The following RHCE variants were observed in gnomAD, a reference collection of about 807,000 sequenced individuals.
RHCE encodes the protein Rh blood group CcEe antigens.
RHCE carries 22 observed loss-of-function variants against 43.8 expected under a neutral mutation model. The ratio of observed to expected loss-of-function variants is 0.50; its 90% CI spans 0.36 to 0.72. RHCE has a LOEUF of 0.72. Ranked by LOEUF, RHCE falls within the 30% of genes least tolerant of loss-of-function variation. The pLI, the probability that RHCE is intolerant of heterozygous loss-of-function variation, is 0.00. For synonymous variants in RHCE, 156 were observed against 210.7 expected (o/e 0.74, Z 2.25); for missense variants, 385 against 525.4 (o/e 0.73, Z 2.61).
At chr1:25,380,146 A>C (rs1645948719) in intron 7 of RHCE, among the ~76,000 whole-genome samples, 1 of 143,678 alleles carries the variant, frequency 7.0e-6, no homozygotes, top group African/African-American at 2.6e-5. Flanking sequence ...AAAATACAAC[A>C]GTGGAACAGG....
At chr1:25,422,677 G>A (rs1245805094), upstream of RHCE, among the ~76,000 whole-genome samples, 1 of 152,158 alleles carries the variant, frequency 6.6e-6, no homozygotes, top group Non-Finnish European at 1.5e-5. Flanking sequence ...CCTAACTTCA[G>A]GACCTGGGTG....
chr1:25,418,765 G>T (rs1414272574), intron 1 of RHCE, among the ~76,000 whole-genome samples: 2 of 152,192 alleles, frequency 1.3e-5, no homozygotes, highest in African/African-American at 4.8e-5. Context: ...GGCTGGGCAG[G>T]CACCTCCCTC....
At chr1:25,385,530 A>G in intron 7 of RHCE, 181 bp downstream of exon 7, 1 of 932,658 alleles carries the variant, frequency 1.1e-6, no homozygotes, top group Non-Finnish European at 1.7e-6. Context: ...TGGAGAGGTG[A>G]TAAATCCATC....
At position 25,388,960 on chromosome 1, in the gene RHCE, T is replaced by C; in HGVS notation, c.939+16A>G. 1 of 1,614,192 alleles carries C rather than the reference T, an allele frequency of 6.2e-7. No individual in the cohort carries two copies. The highest frequency in any genetic ancestry group is 1.3e-5 in the African/African-American group (1 of 75,052). ...CTTCAGCCAAAGCAGAGAGCATTAG[T>C]TGTCTAGTTTCTTACCGGCAGGCAC... On this transcript the variant is annotated intron_variant, in intron 6 of 9. Transcript: ENST00000294413.
At position 25,377,584 on chromosome 1, in the gene RHCE, C is replaced by G. The variant is rs1645828287; in HGVS notation, c.1074-2156G>C. 4.0e-5 allele frequency among the ~76,000 whole-genome samples: 6 copies of G among 150,664 alleles called. No homozygotes were observed. In the South Asian group the frequency reaches 1.3e-3, roughly 33 times the overall value. ...TATTAAAATTAAGAACCTCCTTGTT[C>G]AAAAGACACCATTAAGAAAGTAAAA... On this transcript the variant is annotated intron_variant, in intron 7 of 9. Coordinates refer to ENST00000294413, the MANE Select transcript of RHCE (RefSeq NM_020485.8).
At chr1:25,371,522 T>C (rs1418391607) in intron 8 of RHCE, among the ~76,000 whole-genome samples, 1 of 151,388 alleles carries the variant, frequency 6.6e-6, no homozygotes, top group African/African-American at 2.4e-5. Flanking sequence ...AAGTGTGTGC[T>C]ACCATACCCA....
At chr1:25,393,235 A>G (rs1045688486) in intron 3 of RHCE, among the ~76,000 whole-genome samples, 28 of 152,074 alleles carry the variant, frequency 1.8e-4, no homozygotes, top group African/African-American at 6.5e-4. Flanking sequence ...GCTACCCCAA[A>G]TTGTTACAGT....
intron 5 of RHCE, among the ~76,000 whole-genome samples, chr1:25,389,529 T>C (rs1205650706): frequency 2.6e-5 from 4 of 152,164 alleles, no homozygotes; most frequent in Admixed American, 6.5e-5. Context: ...TTGCCTCAGC[T>C]TTCCAAAATA....
intron 8 of RHCE, 147 bp from the exon 9 acceptor site, chr1:25,370,687 C>A: frequency 1.5e-6 from 1 of 667,256 alleles, no homozygotes; most frequent in Non-Finnish European, 2.7e-6. Context: ...TAAATGGACG[C>A]CCTGTCATTC....
At chr1:25,398,768 C>G in intron 3 of RHCE, 1 of 1,573,258 alleles carries the variant, frequency 6.4e-7, no homozygotes, top group Admixed American at 1.7e-5. Context: ...CCCAAGGAGG[C>G]CGAGCTCTGT....
intron 1 of RHCE, among the ~76,000 whole-genome samples, chr1:25,418,304 A>C (rs565586819): frequency 6.6e-6 from 1 of 151,152 alleles, no homozygotes; most frequent in African/African-American, 2.4e-5. Flanking sequence ...TTGGGATTAC[A>C]GGCATGAGCC....
chr1:25,385,942 G>A, intron 6 of RHCE, 98 bp from the exon 7 acceptor site: 1 of 1,571,554 alleles, frequency 6.4e-7, no homozygotes, highest in Non-Finnish European at 8.7e-7. Context: ...CACCAAATGG[G>A]GATGGGCACT....
At chr1:25,391,927 C>G (rs1459650234) in intron 4 of RHCE, 67 bp downstream of exon 4, 9 of 1,610,052 alleles carry the variant, frequency 5.6e-6, no homozygotes, top group Middle Eastern at 4.5e-4. Flanking sequence ...ATTTTTTCAG[C>G]CAGAGCCTTT....
chr1:25,425,054 T>G (rs567726729), upstream of RHCE, among the ~76,000 whole-genome samples: 47 of 152,270 alleles, frequency 3.1e-4, no homozygotes, highest in South Asian at 9.3e-3. Flanking sequence ...TGACCTCAGG[T>G]GACTTGCCCA....
At chr1:25,370,442 C>T (rs1645573267) in intron 9 of RHCE, 25 bp downstream of exon 9, 1 of 1,588,706 alleles carries the variant, frequency 6.3e-7, no homozygotes, top group Non-Finnish European at 8.6e-7. Context: ...CAAAATCTAT[C>T]ACGTTAATAG....
intron 7 of RHCE, among the ~76,000 whole-genome samples, chr1:25,381,051 A>G (rs147910912): frequency 0.079 from 11,993 of 151,330 alleles, 1,486 homozygotes; most frequent in African/African-American, 0.27. Context: ...ACAGGCGCCC[A>G]CCACCACGCC....
upstream of RHCE, among the ~76,000 whole-genome samples, chr1:25,422,698 TAAC>T (rs1239886207): frequency 5.5e-4 from 84 of 152,280 alleles, no homozygotes; most frequent in African/African-American, 1.9e-3. Flanking sequence ...TTTGACCACT[TAAC>T]TGTAGCCTAG....
chr1:25,371,173 C>T (rs572401711), intron 8 of RHCE, among the ~76,000 whole-genome samples: 35 of 150,904 alleles, frequency 2.3e-4, no homozygotes, highest in African/African-American at 7.1e-4. Context: ...AAGGGCCCCA[C>T]GAAAGCTGAT....
At chr1:25,376,270 A>C (rs1178399897) in intron 7 of RHCE, among the ~76,000 whole-genome samples, 1 of 152,154 alleles carries the variant, frequency 6.6e-6, no homozygotes, top group Non-Finnish European at 1.5e-5. Context: ...ACATTAAGCT[A>C]TTACGGGGGC....
Sources: gnomAD v4.1 joint callset for allele counts (sites outside exome capture counted in the v4.1 genomes callset) on GRCh38, gnomAD v4.1.1 for gene constraint, MANE v1.5 for transcripts, NCBI Gene and HGNC (gene_info 2026-07-23, HGNC 2026-07-21) for gene names.